Variants in ADAMTS5 observed in about 807,000 individuals in gnomAD.
ADAMTS5 encodes A disintegrin and metalloproteinase with thrombospondin motifs 5.
A neutral mutation model predicts 81.4 loss-of-function variants in ADAMTS5; 54 were observed. The ratio of observed to expected loss-of-function variants is 0.66; its 90% CI spans 0.53 to 0.83. The LOEUF (loss-of-function observed/expected upper bound fraction) is 0.83. ADAMTS5 is among the 40% of genes least tolerant of loss of function. ADAMTS5 has a pLI of 0.00. For synonymous variants in ADAMTS5, 532 were observed against 508.8 expected (o/e 1.05, Z -0.61); for missense variants, 1,194 against 1,229.9 (o/e 0.97, Z 0.44).
intron 3 of ADAMTS5, among the ~76,000 whole-genome samples, chr21:26,935,239 T>C (rs1312988150): frequency 6.6e-6 from 1 of 152,200 alleles, no homozygotes; most frequent in East Asian, 1.9e-4. Context: ...GCCTATCACA[T>C]GTCTCCTTTC....
intron 1 of ADAMTS5, among the ~76,000 whole-genome samples, chr21:26,963,759 G>T (rs1236163815): frequency 1.4e-5 from 2 of 141,888 alleles, no homozygotes; most frequent in African/African-American, 5.1e-5. Flanking sequence ...ACAAATGAAT[G>T]TTCTACCGCT....
chr21:26,950,935 A>T (rs559575877), intron 2 of ADAMTS5, among the ~76,000 whole-genome samples: 35 of 152,020 alleles, frequency 2.3e-4, no homozygotes, highest in Admixed American at 3.9e-4. Context: ...AGCTCATTTT[A>T]TCCTCTGTCT....
At position 26,919,250 on chromosome 21, in the gene ADAMTS5, TCA is replaced by T. The variant is rs1368532030; in HGVS notation, c.*4801_*4802del. The stretch of plus-strand genomic sequence containing the variant: ...TTGTTTTTTTTTTTTTTCCTACAAA[TCA>T]CAGTTTTCCTCACAGTGTTAGACTT... On this transcript the variant is annotated 3_prime_UTR_variant, in exon 8 of 8. Coordinates refer to ENST00000284987, the MANE Select transcript of ADAMTS5 (RefSeq NM_007038.5). 2.7e-5 allele frequency: 4 copies of T among 149,572 alleles called. No individual in the cohort carries two copies. Among genetic ancestry groups the T allele is most frequent in the Non-Finnish European group, 4.5e-5 (3 of 67,366 alleles). The allele number at this position is 149,572 out of a possible 1,614,324, so 9.3% of individuals were successfully genotyped here.
intron 2 of ADAMTS5, among the ~76,000 whole-genome samples, chr21:26,946,744 C>G (rs1375966432): frequency 6.6e-6 from 1 of 152,100 alleles, no homozygotes; most frequent in African/African-American, 2.4e-5. Context: ...TTGTTTACAT[C>G]AAATTGTATT....
chr21:26,917,997 A>T lies in ADAMTS5; in HGVS notation c.*6056T>A, dbSNP rs1986614192. 1 of 152,168 alleles carries T rather than the reference A, an allele frequency of 6.6e-6. No homozygotes were observed. The highest frequency in any genetic ancestry group is 1.5e-5 in the Non-Finnish European group (1 of 67,910). 9.4% of individuals were successfully genotyped at this position (152,168 alleles called of 1,614,324 possible). ...TTAATTTTACAGTTTAAAGTCACAC[A>T]TAGGGAAATGCTTTACAAAATAGGA... On this transcript the variant is annotated 3_prime_UTR_variant, in exon 8 of 8. Transcript: ENST00000284987.
intron 2 of ADAMTS5, among the ~76,000 whole-genome samples, chr21:26,952,819 T>A (rs2123197735): frequency 6.6e-6 from 1 of 152,308 alleles, no homozygotes; most frequent in South Asian, 2.1e-4. Context: ...CTCCTCTCAC[T>A]CTGAATGATG....
chr21:26,924,332 G>T lies in ADAMTS5; in HGVS notation c.2514C>A (p.Asp838Glu). The change falls in exon 8 of 8, where the codon GAC becomes GAA. Residue 838 changes from aspartate (D) to glutamate (E), a missense_variant. Transcript: ENST00000284987. Reference sequence around the variant, plus strand: ...AACGGACATCTAATGGTTTAGTGGGGTCTGTTGCAAGAATCTGCACTATTA... The same window carrying T: ...AACGGACATCTAATGGTTTAGTGGGTTCTGTTGCAAGAATCTGCACTATTA... ...EILIVQILATDPTKPLDVRYS... is the reference protein window; with the variant it reads ...EILIVQILATEPTKPLDVRYS... The T allele has an allele frequency of 6.2e-7, 1 of 1,614,214 alleles. No individual in the cohort carries two copies. The highest frequency in any genetic ancestry group is 8.5e-7 in the Non-Finnish European group (1 of 1,180,044).
chr21:26,924,031 T>G lies in ADAMTS5; in HGVS notation c.*22A>C. On this transcript the variant is annotated 3_prime_UTR_variant, in exon 8 of 8. Transcript: ENST00000284987. ...GTGCTGAATCCTCCAGTTATCTTTG[T>G]GCATAAGATCATAACCACAGGCTAA... The G allele has an allele frequency of 6.4e-7, 1 of 1,565,866 alleles. No homozygotes were observed. Among genetic ancestry groups the G allele is most frequent in the Non-Finnish European group, 8.7e-7 (1 of 1,150,864 alleles).
At chr21:26,946,983 G>A (rs186305867) in intron 2 of ADAMTS5, among the ~76,000 whole-genome samples, 7 of 152,302 alleles carry the variant, frequency 4.6e-5, no homozygotes, top group Admixed American at 2.6e-4. Context: ...AAAATAGGAC[G>A]TGAAACTCCT....
chr21:26,962,997 G>A lies in ADAMTS5; in HGVS notation c.1104+2291C>T, dbSNP rs576849724. Among the ~76,000 whole-genome samples the A allele has an allele frequency of 6.6e-5, 10 of 151,956 alleles. No individual in the cohort carries two copies. In the East Asian group the frequency reaches 7.7e-4, roughly 12 times the overall value. Reference sequence around the variant, plus strand: ...TTAGTAACACTCTTTTAAATTGGGCGCATCTATTGAAAATACACATGCATT... The same window carrying A: ...TTAGTAACACTCTTTTAAATTGGGCACATCTATTGAAAATACACATGCATT... On this transcript the variant is annotated intron_variant, in intron 1 of 7. Transcript: ENST00000284987.
At chr21:26,933,291 C>T (rs1264886658) in intron 4 of ADAMTS5, among the ~76,000 whole-genome samples, 1 of 152,188 alleles carries the variant, frequency 6.6e-6, no homozygotes, top group Non-Finnish European at 1.5e-5. Context: ...GTACTGAGCA[C>T]ACCACAAAGA....
Position 26,965,974 on chromosome 21 carries a change from G to A in ADAMTS5, c.418C>T (p.Pro140Ser), listed in dbSNP as rs1987650099. Reference sequence around the variant, plus strand: ...AGGTCAAAGACAGCCAGAGAGCGGGGACTACCGTCCACTGTGCCCCGATAG... The same window carrying A: ...AGGTCAAAGACAGCCAGAGAGCGGGAACTACCGTCCACTGTGCCCCGATAG... ...CFYRGTVDGSPRSLAVFDLCG... is the reference protein window; with the variant it reads ...CFYRGTVDGSSRSLAVFDLCG... The change falls in exon 1 of 8, where the codon CCC (proline) becomes TCC (serine). Residue 140 changes from proline (P) to serine (S), a missense_variant. This residue lies in a region of ADAMTS5 where 498 missense variants were observed against 412.3 expected (regional missense o/e 1.21). Transcript: ENST00000284987. The A allele has an allele frequency of 1.2e-6, 2 of 1,613,306 alleles. No homozygotes were observed. Among genetic ancestry groups the A allele is most frequent in the Non-Finnish European group, 1.7e-6 (2 of 1,179,842 alleles).
chr21:26,926,667 TAAA>T (rs35848324), intron 7 of ADAMTS5, among the ~76,000 whole-genome samples: 37 of 123,330 alleles, frequency 3.0e-4, no homozygotes, highest in African/African-American at 5.1e-4. Flanking sequence ...GACCCTGTCT[TAAA>T]AAAAAAAAAA....
Position 26,921,305 on chromosome 21 carries a change from C to A in ADAMTS5, c.*2748G>T, listed in dbSNP as rs1162216240. On this transcript the variant is annotated 3_prime_UTR_variant, in exon 8 of 8. Coordinates refer to ENST00000284987, the MANE Select transcript of ADAMTS5 (RefSeq NM_007038.5). ...CATATTTCTAAACAGCAAGGCAGGG[C>A]TTAATTTAAATTTTTCTGATCTAGA... The A allele has an allele frequency of 6.6e-6, 1 of 151,900 alleles. No individual in the cohort carries two copies. The highest frequency in any genetic ancestry group is 1.5e-5 in the Non-Finnish European group (1 of 67,868). 9.4% of individuals were successfully genotyped at this position (151,900 alleles called of 1,614,324 possible).
intron 2 of ADAMTS5, 133 bp downstream of exon 2, chr21:26,954,606 T>A: frequency 7.3e-7 from 1 of 1,362,536 alleles, no homozygotes; most frequent in South Asian, 1.5e-5. Context: ...AAAGTGCAGA[T>A]ATAAACAAAT....
At chr21:26,933,487 A>C (rs530229373) in intron 4 of ADAMTS5, among the ~76,000 whole-genome samples, 2 of 152,382 alleles carry the variant, frequency 1.3e-5, no homozygotes, top group African/African-American at 4.8e-5. Context: ...TCTCTTCAGC[A>C]GTAAAACTCT....
chr21:26,966,248 C>T lies in ADAMTS5; in HGVS notation c.144G>A (p.Gly48=), dbSNP rs1271405289. Residue 48 remains glycine, a synonymous_variant, in exon 1 of 8, where the codon GGG becomes GGA. Coordinates refer to ENST00000284987, the MANE Select transcript of ADAMTS5 (RefSeq NM_007038.5). ...AAAAQPRRRQ[G]EEVQERAEPP... ...GCTCGGCTCGCTCCTGCACCTCCTCCCCCTGCCGCCGGCGGGGCTGGGCGG... is the reference window on the plus strand; with the variant it reads ...GCTCGGCTCGCTCCTGCACCTCCTCTCCCTGCCGCCGGCGGGGCTGGGCGG... 6.3e-7 allele frequency: 1 copy of T among 1,598,384 alleles called. No individual in the cohort carries two copies. The highest frequency in any genetic ancestry group is 1.7e-5 in the Admixed American group (1 of 58,696).
At chr21:26,941,395 T>C (rs1987111409) in intron 3 of ADAMTS5, among the ~76,000 whole-genome samples, 2 of 152,106 alleles carry the variant, frequency 1.3e-5, no homozygotes, top group Admixed American at 1.3e-4. Context: ...TATAAAAATA[T>C]GTAAATTTGT....
intron 1 of ADAMTS5, among the ~76,000 whole-genome samples, chr21:26,958,436 T>C (rs1313239357): frequency 6.6e-6 from 1 of 152,168 alleles, no homozygotes; most frequent in Non-Finnish European, 1.5e-5. Context: ...TCCTTTGCCT[T>C]TCTGGCTACC....
Sources: gnomAD v4.1 joint callset for allele counts (sites outside exome capture counted in the v4.1 genomes callset) on GRCh38, gnomAD v4.1.1 for gene constraint, gnomAD v4.1.1 regional missense constraint, MANE v1.5 for transcripts, NCBI Gene and HGNC (gene_info 2026-07-23, HGNC 2026-07-21) for gene names.